The following KCNMA1 variants were observed in gnomAD, a reference collection of about 807,000 sequenced individuals.
The protein encoded by KCNMA1 is Calcium-activated potassium channel subunit alpha-1.
A neutral mutation model predicts 140.0 loss-of-function variants in KCNMA1; 29 were observed. The observed-to-expected ratio is 0.21, with a 90% confidence interval of 0.15 to 0.28. The LOEUF is 0.28. KCNMA1 is among the 10% of genes least tolerant of loss of function. The pLI, the probability that KCNMA1 is intolerant of heterozygous loss-of-function variation, is 1.00. For synonymous variants in KCNMA1, 612 were observed against 611.9 expected (o/e 1.00, Z 0.00); for missense variants, 880 against 1,602.2 (o/e 0.55, Z 7.70).
At chr10:77,086,991 C>G (rs985384599) in intron 10 of KCNMA1, among the ~76,000 whole-genome samples, 1 of 152,236 alleles carries the variant, frequency 6.6e-6, no homozygotes, top group Non-Finnish European at 1.5e-5. Context: ...GGGAGAGTCT[C>G]TGGATGAGAA....
intron 14 of KCNMA1, among the ~76,000 whole-genome samples, chr10:77,043,741 A>T (rs983260406): frequency 2.0e-5 from 3 of 152,204 alleles, no homozygotes; most frequent in African/African-American, 7.2e-5. Context: ...ACCCAATCAA[A>T]AAAGGACAAC....
At chr10:77,375,220 G>T (rs1406608738) in intron 2 of KCNMA1, among the ~76,000 whole-genome samples, 1 of 152,146 alleles carries the variant, frequency 6.6e-6, no homozygotes, top group African/African-American at 2.4e-5. Context: ...TAGGAGAGGG[G>T]ACACTGCTGA....
intron 1 of KCNMA1, among the ~76,000 whole-genome samples, chr10:77,434,234 T>C (rs1466819204): frequency 6.6e-6 from 1 of 152,208 alleles, no homozygotes; most frequent in African/African-American, 2.4e-5. Context: ...CCTCTCACCT[T>C]CTAGGCTATT....
chr10:77,469,538 A>G (rs763676023), intron 1 of KCNMA1, among the ~76,000 whole-genome samples: 4 of 152,152 alleles, frequency 2.6e-5, no homozygotes, highest in Non-Finnish European at 5.9e-5. Flanking sequence ...GAGTTCTCAG[A>G]GGTGTGTGAA....
At chr10:77,361,124 C>T (rs1048535576) in intron 2 of KCNMA1, among the ~76,000 whole-genome samples, 2 of 152,210 alleles carry the variant, frequency 1.3e-5, no homozygotes, top group Non-Finnish European at 2.9e-5. Flanking sequence ...TATGAAAGGA[C>T]TATAATGCTT....
At chr10:77,622,537 TG>T (rs2091656859) in intron 1 of KCNMA1, among the ~76,000 whole-genome samples, 1 of 152,230 alleles carries the variant, frequency 6.6e-6, no homozygotes, top group Non-Finnish European at 1.5e-5. Context: ...TTCACTGGGT[TG>T]TTGTGAGGAT....
intron 14 of KCNMA1, among the ~76,000 whole-genome samples, chr10:77,070,678 AC>A (rs531839065): frequency 1.1e-3 from 171 of 151,686 alleles, no homozygotes; most frequent in African/African-American, 3.8e-3. Flanking sequence ...TTTTCCACCT[AC>A]CCCCCACCCC....
intron 23 of KCNMA1, among the ~76,000 whole-genome samples, chr10:76,923,800 T>G (rs2056788955): frequency 6.6e-6 from 1 of 152,058 alleles, no homozygotes; most frequent in Non-Finnish European, 1.5e-5. Flanking sequence ...CTGAGCAACA[T>G]GGTGAAACCT....
At chr10:77,357,842 G>A (rs2093628513) in intron 2 of KCNMA1, among the ~76,000 whole-genome samples, 2 of 152,112 alleles carry the variant, frequency 1.3e-5, no homozygotes, top group South Asian at 4.1e-4. Context: ...GTAAGCTGGT[G>A]AAATGCAGAA....
chr10:77,078,804 G>A (rs1247781), intron 13 of KCNMA1, among the ~76,000 whole-genome samples: 141,387 of 152,326 alleles, frequency 0.93, 65,682 homozygotes, highest in Middle Eastern at 0.97. Context: ...TACTGAATAA[G>A]TAAATGACTG....
At chr10:77,025,012 A>T (rs2093266701) in intron 16 of KCNMA1, among the ~76,000 whole-genome samples, 1 of 151,884 alleles carries the variant, frequency 6.6e-6, no homozygotes, top group Admixed American at 6.6e-5. Context: ...AAGACACGTC[A>T]GGACAATACA....
rs552363587 is a variant in KCNMA1 at position 77,140,047 on chromosome 10, A to G, written c.809-18999T>C. Reference sequence around the variant, plus strand: ...TCTGAAATATATTCTTTAATAGCTCAATAACATTCAGGAGCACTAGAGGCC... The same window carrying G: ...TCTGAAATATATTCTTTAATAGCTCGATAACATTCAGGAGCACTAGAGGCC... On this transcript the variant is annotated intron_variant, in intron 5 of 27. Transcript: ENST00000286628. Among the ~76,000 whole-genome samples, 19 of 152,358 alleles carry G rather than the reference A, an allele frequency of 1.2e-4. 1 individual carries two copies. The South Asian group carries it at 2.1e-3, about 17-fold the overall frequency.
chr10:77,187,965 A>G (rs1266551463), intron 3 of KCNMA1, among the ~76,000 whole-genome samples: 2 of 152,180 alleles, frequency 1.3e-5, no homozygotes, highest in African/African-American at 4.8e-5. Flanking sequence ...TTAAAAAAAG[A>G]ATACATATTT....
chr10:77,474,256 TCCTAATCCCCAGGA>T (rs1303821717), intron 1 of KCNMA1, among the ~76,000 whole-genome samples: 1 of 152,188 alleles, frequency 6.6e-6, no homozygotes, highest in Non-Finnish European at 1.5e-5. Flanking sequence ...CATGTTCATA[TCCTAATCCCCAGGA>T]CCTCAGAATG....
intron 18 of KCNMA1, among the ~76,000 whole-genome samples, chr10:77,008,671 G>C (rs1455067026): frequency 6.6e-6 from 1 of 152,214 alleles, no homozygotes; most frequent in Non-Finnish European, 1.5e-5. Context: ...GGTTGGGGAA[G>C]GAGGGTTAGG....
At chr10:77,184,744 C>G in intron 4 of KCNMA1, 79 bp downstream of exon 4, 1 of 905,918 alleles carries the variant, frequency 1.1e-6, no homozygotes, top group Admixed American at 1.7e-5. Context: ...ACTGCGAGAG[C>G]AGAGGCTGAG....
chr10:77,532,786 T>C (rs1469487351), intron 1 of KCNMA1, among the ~76,000 whole-genome samples: 1 of 151,996 alleles, frequency 6.6e-6, no homozygotes, highest in African/African-American at 2.4e-5. Context: ...ACCCTGATAG[T>C]CAATAGCAGA....
chr10:77,003,087 A>C (rs1044185741), intron 18 of KCNMA1, among the ~76,000 whole-genome samples: 2 of 152,186 alleles, frequency 1.3e-5, no homozygotes, highest in South Asian at 4.1e-4. Context: ...CTTGCCATAC[A>C]GTATATTTGT....
intron 1 of KCNMA1, among the ~76,000 whole-genome samples, chr10:77,556,398 G>A (rs2064410424): frequency 2.6e-5 from 4 of 151,240 alleles, no homozygotes; most frequent in Non-Finnish European, 4.4e-5. Context: ...CTAGTTACTC[G>A]GGAGGCTGAG....
Sources: allele counts gnomAD v4.1 joint callset (sites outside exome capture counted in the v4.1 genomes callset), GRCh38; gene constraint gnomAD v4.1.1; transcripts MANE v1.5; gene names NCBI Gene and HGNC (gene_info 2026-07-23, HGNC 2026-07-21).